The following ADGRG6 variants were observed in gnomAD, a reference collection of about 807,000 sequenced individuals.
ADGRG6 encodes adhesion G protein-coupled receptor G6, also known as G-protein coupled receptor 126.
In ADGRG6, 84 loss-of-function variants were observed where a neutral mutation model predicts 142.4. The ratio of observed to expected loss-of-function variants is 0.59; its 90% CI spans 0.49 to 0.71. The LOEUF (loss-of-function observed/expected upper bound fraction) is 0.71. Ranked by LOEUF, ADGRG6 falls within the 30% of genes least tolerant of loss-of-function variation. The pLI, the probability that ADGRG6 is intolerant of heterozygous loss-of-function variation, is 0.00. For synonymous variants in ADGRG6, 521 were observed against 520.5 expected, an observed-to-expected ratio of 1.00 and a Z score of -0.01; for missense variants, 1,367 against 1,466.6, an observed-to-expected ratio of 0.93 and a Z score of 1.11.
At position 142,440,493 on chromosome 6, in the gene ADGRG6, A is replaced by T. The variant is rs1777702353; in HGVS notation, c.3574+2129A>T. Among the ~76,000 whole-genome samples the T allele has an allele frequency of 2.0e-5, 3 of 151,988 alleles. No individual in the cohort carries two copies. The South Asian group carries it at 6.2e-4, about 32-fold the overall frequency. ...TGTATTTTTGTAGAGATGAGGTCTC[A>T]TCATCTTACCCAGGCTAGTCTCAAA... On this transcript the variant is annotated intron_variant, in intron 24 of 24. Transcript: ENST00000367609.
At chr6:142,319,027 A>G (rs1410799882) in intron 2 of ADGRG6, among the ~76,000 whole-genome samples, 26 of 152,144 alleles carry the variant, frequency 1.7e-4, no homozygotes, top group Admixed American at 1.6e-3. Flanking sequence ...GAGCTTCCCT[A>G]GGGTGGTAGG....
At chr6:142,344,280 A>G (rs1401310798) in intron 2 of ADGRG6, among the ~76,000 whole-genome samples, 1 of 151,990 alleles carries the variant, frequency 6.6e-6, no homozygotes. Flanking sequence ...TAACAATGTG[A>G]TGTTCAATAT....
chr6:142,335,497 T>C (rs1476647747), intron 2 of ADGRG6, among the ~76,000 whole-genome samples: 1 of 152,192 alleles, frequency 6.6e-6, no homozygotes, highest in Non-Finnish European at 1.5e-5. Flanking sequence ...GAGCTGCCTT[T>C]CATTGCAATG....
chr6:142,318,579 T>C (rs1346816463), intron 2 of ADGRG6, among the ~76,000 whole-genome samples: 1 of 150,484 alleles, frequency 6.6e-6, no homozygotes, highest in Admixed American at 6.8e-5. Flanking sequence ...AGTAGAATTA[T>C]AGACATGATG....
intron 5 of ADGRG6, among the ~76,000 whole-genome samples, 178 bp downstream of exon 5, chr6:142,382,197 G>A (rs139843889): frequency 6.6e-6 from 1 of 152,256 alleles, no homozygotes; most frequent in African/African-American, 2.4e-5. Flanking sequence ...GTACGGCATG[G>A]AGAAAGAATG....
chr6:142,419,981 A>G lies in ADGRG6; in HGVS notation c.3196A>G (p.Asn1066Asp). ...GACCCTGAGAGAAGAAGTGTTAAGG[A>G]ACCTGCGCAGTGTGGTTAGCTTGAC... is the stretch of plus-strand genomic sequence containing the variant. ...NRTLREEVLR[N>D]LRSVVSLTFL... The change falls in exon 22 of 25, where the codon AAC (asparagine) becomes GAC (aspartate). Residue 1066 changes from asparagine to aspartate, a missense_variant. Transcript: ENST00000367609. 7 of 1,613,638 alleles carry G rather than the reference A, an allele frequency of 4.3e-6. No individual in the cohort carries two copies. The highest frequency in any genetic ancestry group is 5.9e-6 in the Non-Finnish European group (7 of 1,179,656).
chr6:142,334,636 A>G (rs558242862), intron 2 of ADGRG6, among the ~76,000 whole-genome samples: 1 of 150,618 alleles, frequency 6.6e-6, no homozygotes, highest in South Asian at 2.1e-4. Flanking sequence ...GGTAGCTGCT[A>G]GAAGATTGGC....
chr6:142,419,041 C>T (rs994362876), intron 21 of ADGRG6, among the ~76,000 whole-genome samples: 2 of 152,080 alleles, frequency 1.3e-5, no homozygotes, highest in Admixed American at 1.3e-4. Context: ...TTGTGCATGA[C>T]AACCATCTGT....
chr6:142,429,390 C>A (rs750218186), intron 22 of ADGRG6, among the ~76,000 whole-genome samples: 4 of 150,060 alleles, frequency 2.7e-5, no homozygotes, highest in African/African-American at 4.9e-5. Context: ...TTCAGTCCCT[C>A]ACAAGTGAAA....
chr6:142,354,406 A>T (rs1780344691), intron 2 of ADGRG6, among the ~76,000 whole-genome samples: 1 of 152,106 alleles, frequency 6.6e-6, no homozygotes, highest in Non-Finnish European at 1.5e-5. Context: ...CAAACAAACA[A>T]AAAAACTTTT....
At chr6:142,335,411 T>C (rs1480533863) in intron 2 of ADGRG6, among the ~76,000 whole-genome samples, 3 of 152,114 alleles carry the variant, frequency 2.0e-5, no homozygotes, top group South Asian at 2.1e-4. Context: ...AAATAGAGAA[T>C]GAAAATGGAG....
intron 2 of ADGRG6, among the ~76,000 whole-genome samples, chr6:142,314,647 T>C (rs958773848): frequency 1.3e-5 from 2 of 152,192 alleles, no homozygotes; most frequent in Non-Finnish European, 1.5e-5. Flanking sequence ...CATTGTTGCA[T>C]TAAAAATGGA....
intron 22 of ADGRG6, among the ~76,000 whole-genome samples, chr6:142,429,744 G>A (rs56674756): frequency 0.016 from 2,400 of 152,276 alleles, 50 homozygotes; most frequent in African/African-American, 0.051. Context: ...TTCTTGACCA[G>A]TTTTTCCCAC....
chr6:142,340,160 C>T (rs2114714306), intron 2 of ADGRG6, among the ~76,000 whole-genome samples: 1 of 152,168 alleles, frequency 6.6e-6, no homozygotes, highest in Non-Finnish European at 1.5e-5. Context: ...GAAAGGGGAA[C>T]ATTAGAAGTG....
chr6:142,425,706 A>G (rs1028080458), intron 22 of ADGRG6, among the ~76,000 whole-genome samples: 18 of 152,132 alleles, frequency 1.2e-4, no homozygotes, highest in Admixed American at 4.6e-4. Context: ...GGCATGTATT[A>G]GTTCATTTTC....
intron 10 of ADGRG6, 25 bp downstream of exon 10, chr6:142,397,780 A>G: frequency 4.2e-6 from 6 of 1,444,534 alleles, no homozygotes; most frequent in Non-Finnish European, 5.6e-6. Context: ...TTTTTATAAT[A>G]TGCATTTTAT....
intron 18 of ADGRG6, among the ~76,000 whole-genome samples, chr6:142,412,286 C>T (rs1776128230): frequency 6.6e-6 from 1 of 152,118 alleles, no homozygotes; most frequent in Non-Finnish European, 1.5e-5. Context: ...ATAAAGGGAC[C>T]AAACCACATT....
At chr6:142,352,115 T>C (rs1344905166) in intron 2 of ADGRG6, among the ~76,000 whole-genome samples, 1 of 152,176 alleles carries the variant, frequency 6.6e-6, no homozygotes, top group Non-Finnish European at 1.5e-5. Context: ...CACTATTGGG[T>C]ATATACCCAA....
rs1486333543 is a variant in ADGRG6 at position 142,414,969 on chromosome 6, G to A, written c.2542G>A (p.Asp848Asn). ...CAGCTGCTCGCCATGTTTTATGTAG[G>A]ACCTTCCAAGAAGTGCCTCACAGTT... Reference protein sequence around the residue: ...NHFTHFGVLMDLPRSASQLDA... With the variant: ...NHFTHFGVLMNLPRSASQLDA... Residue 848 changes from aspartate to asparagine, a missense_variant and splice_region_variant, in exon 19 of 25, where the codon GAC (aspartate) becomes AAC (asparagine). Physicochemically the swap from Asp to Asn is conservative, Grantham distance 23 (BLOSUM62 1). This residue lies in a region of ADGRG6 where 286 missense variants were observed against 371.4 expected (regional missense o/e 0.77). Coordinates refer to ENST00000367609, the MANE Select transcript of ADGRG6 (RefSeq NM_198569.3). The A allele has an allele frequency of 6.2e-7, 1 of 1,608,616 alleles. No homozygotes were observed. Among genetic ancestry groups the A allele is most frequent in the Non-Finnish European group, 8.5e-7 (1 of 1,177,432 alleles).
Sources: gnomAD v4.1 joint callset for allele counts (sites outside exome capture counted in the v4.1 genomes callset) on GRCh38, gnomAD v4.1.1 for gene constraint, gnomAD v4.1.1 regional missense constraint, MANE v1.5 for transcripts, NCBI Gene and HGNC (gene_info 2026-07-23, HGNC 2026-07-21) for gene names.